Variants in GRB10 observed in about 807,000 individuals in gnomAD.
GRB10 encodes growth factor receptor bound protein 10.
GRB10 carries 20 observed loss-of-function variants against 80.9 expected under a neutral mutation model. That is an observed-to-expected ratio of 0.25 (90% confidence interval 0.17 to 0.36). The LOEUF is 0.36. GRB10 is among the 10% of genes least tolerant of loss of function. The probability of loss-of-function intolerance (pLI) is 1.00; values close to 1 mark genes in which losing one functional copy is unlikely to be tolerated. For synonymous variants in GRB10, 291 were observed against 291.5 expected, an observed-to-expected ratio of 1.00 and a Z score of 0.02; for missense variants, 548 against 747.7, an observed-to-expected ratio of 0.73 and a Z score of 3.12.
chr7:50,725,218 G>A (rs900587540), intron 4 of GRB10, among the ~76,000 whole-genome samples: 3 of 152,336 alleles, frequency 2.0e-5, no homozygotes, highest in Non-Finnish European at 2.9e-5. Flanking sequence ...TCTCATGACA[G>A]TAAGTTGCCA....
At chr7:50,740,044 T>C (rs2071443950) in intron 3 of GRB10, among the ~76,000 whole-genome samples, 1 of 152,194 alleles carries the variant, frequency 6.6e-6, no homozygotes, top group African/African-American at 2.4e-5. Flanking sequence ...CTGTGCCACA[T>C]GAATCCTTTC....
chr7:50,717,458 TGTGTG>T (rs1020282303), intron 4 of GRB10, among the ~76,000 whole-genome samples: 80 of 152,276 alleles, frequency 5.3e-4, no homozygotes, highest in African/African-American at 1.8e-3. Context: ...AGAGTGTGTG[TGTGTG>T]TGTGCATGCG....
intron 17 of GRB10, among the ~76,000 whole-genome samples, chr7:50,602,098 G>A (rs1481775465): frequency 6.6e-6 from 1 of 151,896 alleles, no homozygotes; most frequent in Non-Finnish European, 1.5e-5. Flanking sequence ...GCCTCTAGTG[G>A]AAGGTGGGAG....
chr7:50,699,383 T>C (rs1004974724), intron 5 of GRB10, among the ~76,000 whole-genome samples: 1 of 152,256 alleles, frequency 6.6e-6, no homozygotes, highest in Non-Finnish European at 1.5e-5. Context: ...TGTTGTAGGT[T>C]TTTAACAAAT....
chr7:50,723,985 C>T (rs1021529952), intron 4 of GRB10, among the ~76,000 whole-genome samples: 2 of 152,222 alleles, frequency 1.3e-5, no homozygotes, highest in Non-Finnish European at 2.9e-5. Flanking sequence ...AAAAGCACAG[C>T]GGAGTCACAT....
chr7:50,705,040 G>T, intron 4 of GRB10: 2 of 584,428 alleles, frequency 3.4e-6, no homozygotes, highest in Non-Finnish European at 4.3e-6. Flanking sequence ...CTTAATTTCT[G>T]CCTGAATGCT....
intron 3 of GRB10, among the ~76,000 whole-genome samples, chr7:50,739,404 G>A (rs893434830): frequency 1.3e-5 from 2 of 152,096 alleles, no homozygotes; most frequent in African/African-American, 2.4e-5. Flanking sequence ...ACTGTAGAGC[G>A]TTTACCCTCC....
rs182841508 is a variant in GRB10 at position 50,655,432 on chromosome 7, G to A, written c.504+14290C>T. Among the ~76,000 whole-genome samples the A allele has an allele frequency of 1.5e-4, 23 of 152,272 alleles. No individual in the cohort carries two copies. In the East Asian group the frequency reaches 3.9e-3, roughly 26 times the overall value. On this transcript the variant is annotated intron_variant, in intron 7 of 18. Coordinates refer to ENST00000401949, the MANE Select transcript of GRB10 (RefSeq NM_001350814.2). Reference sequence around the variant, plus strand: ...AATGGTATCTAGAAATGACCTGAGCGTTAGGTTGAACGTATATTTAAAGAC... The same window carrying A: ...AATGGTATCTAGAAATGACCTGAGCATTAGGTTGAACGTATATTTAAAGAC...
intron 7 of GRB10, among the ~76,000 whole-genome samples, chr7:50,667,712 G>C (rs549126618): frequency 6.6e-6 from 1 of 152,064 alleles, no homozygotes; most frequent in Non-Finnish European, 1.5e-5. Flanking sequence ...AGTAGTTCTA[G>C]TTCTGAGTGA....
In GRB10 at chr7:50,593,204, A is replaced by G. The variant is rs532808660; in HGVS notation, c.1639-106T>C. 2,274 of 1,252,100 alleles carry G rather than the reference A, an allele frequency of 1.8e-3. 1 individual carries two copies. The highest frequency in any genetic ancestry group is 2.5e-3 in the Non-Finnish European group (2,153 of 857,164). 77.6% of individuals were successfully genotyped at this position (1,252,100 alleles called of 1,614,324 possible). A position where few individuals can be genotyped will look rare whatever the true frequency, so the allele number is the denominator to read the frequency against. The stretch of plus-strand genomic sequence containing the variant: ...ACATCTGCCCATGATTTGATTCCAG[A>G]GGGACACACAGGGCAAGGTAGGCTA... On this transcript the variant is annotated intron_variant, in intron 18 of 18. Coordinates refer to ENST00000401949, the MANE Select transcript of GRB10 (RefSeq NM_001350814.2).
chr7:50,669,195 T>C (rs975679911), intron 7 of GRB10, among the ~76,000 whole-genome samples: 3 of 152,222 alleles, frequency 2.0e-5, no homozygotes, highest in Non-Finnish European at 4.4e-5. Flanking sequence ...TTCTAAAATA[T>C]AAAGATAAAA....
intron 8 of GRB10, among the ~76,000 whole-genome samples, chr7:50,622,137 G>A (rs2051885960): frequency 6.6e-6 from 1 of 152,222 alleles, no homozygotes; most frequent in South Asian, 2.1e-4. Flanking sequence ...GCTTTCCCAG[G>A]CTAAGAAACT....
chr7:50,748,034 G>A (rs148344241), intron 3 of GRB10, among the ~76,000 whole-genome samples: 1 of 152,238 alleles, frequency 6.6e-6, no homozygotes, highest in African/African-American at 2.4e-5. Context: ...AAGGCAGGAC[G>A]CATGCGTGCA....
At chr7:50,743,116 A>G (rs1170797698) in intron 3 of GRB10, among the ~76,000 whole-genome samples, 1 of 152,192 alleles carries the variant, frequency 6.6e-6, no homozygotes, top group East Asian at 1.9e-4. Context: ...TTTCTTCCAC[A>G]ATGCATTGAT....
chr7:50,671,012 G>A (rs1296690291), intron 6 of GRB10, among the ~76,000 whole-genome samples: 1 of 152,130 alleles, frequency 6.6e-6, no homozygotes, highest in Non-Finnish European at 1.5e-5. Context: ...ACAGTATGAC[G>A]AATCAGAAGC....
chr7:50,605,224 A>T, intron 15 of GRB10, 66 bp downstream of exon 15: 1 of 1,235,578 alleles, frequency 8.1e-7, no homozygotes, highest in Non-Finnish European at 1.2e-6. Context: ...CCTCTGGGAG[A>T]AGACCACGTG....
chr7:50,614,346 T>G (rs907477889), intron 12 of GRB10, among the ~76,000 whole-genome samples: 1 of 152,202 alleles, frequency 6.6e-6, no homozygotes, highest in Admixed American at 6.5e-5. Flanking sequence ...ATTGTGTCTA[T>G]TCCTGTCTGA....
At chr7:50,610,914 T>G (rs989175347) in intron 13 of GRB10, among the ~76,000 whole-genome samples, 2 of 152,276 alleles carry the variant, frequency 1.3e-5, no homozygotes, top group Admixed American at 1.3e-4. Flanking sequence ...AACCTGATAC[T>G]TGGATTTATT....
In GRB10 at chr7:50,651,350, G is replaced by A. The variant is rs552061806; in HGVS notation, c.504+18372C>T. ...TCTGGCCTCTCCTGGAGGTTCTGGC[G>A]GCTGCTGGCATCTTTGTCATTCCTT... On this transcript the variant is annotated intron_variant, in intron 7 of 18. Coordinates refer to ENST00000401949, the MANE Select transcript of GRB10 (RefSeq NM_001350814.2). 1.8e-4 allele frequency among the ~76,000 whole-genome samples: 27 copies of A among 152,278 alleles called. No homozygotes were observed. In the East Asian group the frequency reaches 4.6e-3, roughly 26 times the overall value.
Sources: gnomAD v4.1 joint callset for allele counts (sites outside exome capture counted in the v4.1 genomes callset) on GRCh38, gnomAD v4.1.1 for gene constraint, MANE v1.5 for transcripts, NCBI Gene and HGNC (gene_info 2026-07-23, HGNC 2026-07-21) for gene names.